The following MOCOS variants were observed in gnomAD, a reference collection of about 807,000 sequenced individuals.
The protein encoded by MOCOS is molybdenum cofactor sulfurase.
MOCOS carries 86 observed loss-of-function variants against 83.6 expected under a neutral mutation model. The observed-to-expected ratio is 1.03, with a 90% confidence interval of 0.86 to 1.23. The LOEUF (loss-of-function observed/expected upper bound fraction) is 1.23. Among genes scored for constraint, MOCOS ranks in the 50% most tolerant of loss-of-function variants. MOCOS has a pLI of 0.00. For missense variants in MOCOS, 1,120 were observed against 1,126.9 expected, an observed-to-expected ratio of 0.99 and a Z score of 0.09; for synonymous variants, 445 against 434.7, an observed-to-expected ratio of 1.02 and a Z score of -0.29.
chr18:36,254,429 G>A (rs574291793), intron 11 of MOCOS, among the ~76,000 whole-genome samples: 36 of 149,916 alleles, frequency 2.4e-4, no homozygotes, highest in African/African-American at 3.7e-4. Flanking sequence ...TTTGAATCTC[G>A]TGAGTATTCA....
intron 6 of MOCOS, among the ~76,000 whole-genome samples, chr18:36,207,061 C>T (rs77957275): frequency 0.056 from 8,590 of 152,174 alleles, 282 homozygotes; most frequent in East Asian, 0.098. Context: ...TTGTTTGAGA[C>T]AGTCTCACTT....
Position 36,220,245 on chromosome 18 carries a change from G to C in MOCOS, c.1960+28G>C, listed in dbSNP as rs773324094. 160 of 1,613,308 alleles carry C rather than the reference G, an allele frequency of 9.9e-5. 2 individuals carry two copies. In the South Asian group the frequency reaches 1.7e-3, roughly 17 times the overall value. ...GGGAAAACTGCTTCATTTTCACAGAGCAGCTCCCAACAGCAGCTTTTATAT... is the reference window on the plus strand; with the variant it reads ...GGGAAAACTGCTTCATTTTCACAGACCAGCTCCCAACAGCAGCTTTTATAT... On this transcript the variant is annotated intron_variant, in intron 9 of 14. Coordinates refer to ENST00000261326, the MANE Select transcript of MOCOS (RefSeq NM_017947.4).
chr18:36,205,062 C>A lies in MOCOS; in HGVS notation c.1019-15C>A. On this transcript the variant is annotated splice_polypyrimidine_tract_variant and intron_variant, in intron 5 of 14. Transcript: ENST00000261326. ...TAAAGCTCATGATTCTCTTGTGTTT[C>A]ATGATTGATTTGAGGTGGAATGGAG... 2 of 1,421,020 alleles carry A rather than the reference C, an allele frequency of 1.4e-6. No individual in the cohort carries two copies. The highest frequency in any genetic ancestry group is 2.0e-6 in the Non-Finnish European group (2 of 1,024,926). 88.0% of individuals were successfully genotyped at this position (1,421,020 alleles called of 1,614,324 possible).
chr18:36,220,792 G>A (rs1307766154), intron 9 of MOCOS, among the ~76,000 whole-genome samples: 3 of 152,184 alleles, frequency 2.0e-5, no homozygotes, highest in East Asian at 3.9e-4. Flanking sequence ...ATGGTGGCAC[G>A]TGCCTGTGAT....
intron 9 of MOCOS, among the ~76,000 whole-genome samples, chr18:36,235,180 G>A (rs931824870): frequency 4.0e-5 from 6 of 150,248 alleles, no homozygotes; most frequent in African/African-American, 1.5e-4. Context: ...TGTGCACATT[G>A]TGCAGGTTAG....
At chr18:36,236,668 G>C (rs2091560379) in intron 9 of MOCOS, among the ~76,000 whole-genome samples, 1 of 137,968 alleles carries the variant, frequency 7.2e-6, no homozygotes, top group African/African-American at 2.8e-5. Flanking sequence ...ATTCTGTGAA[G>C]AAAGGCATTG....
chr18:36,265,649 G>A (rs1408261374), intron 13 of MOCOS, among the ~76,000 whole-genome samples: 1 of 152,004 alleles, frequency 6.6e-6, no homozygotes, highest in African/African-American at 2.4e-5. Flanking sequence ...GGGATTTTAA[G>A]CTCCACCAGA....
intron 11 of MOCOS, among the ~76,000 whole-genome samples, chr18:36,255,992 A>G (rs1598593810): frequency 1.3e-5 from 2 of 150,990 alleles, no homozygotes; most frequent in Non-Finnish European, 2.9e-5. Flanking sequence ...TCCTGAGTTC[A>G]AGAGATCCTC....
chr18:36,193,665 G>T, intron 1 of MOCOS, among the ~76,000 whole-genome samples: 1 of 152,040 alleles, frequency 6.6e-6, no homozygotes, highest in Non-Finnish European at 1.5e-5. Context: ...AAATCACTAG[G>T]ACCTTGTTGA....
At chr18:36,214,108 G>A (rs573396932) in intron 7 of MOCOS, among the ~76,000 whole-genome samples, 3 of 151,876 alleles carry the variant, frequency 2.0e-5, no homozygotes, top group Admixed American at 6.6e-5. Context: ...AGGTGTGGTG[G>A]TGCATGCCTG....
At chr18:36,268,259 T>TC (rs2091688079) in intron 14 of MOCOS, among the ~76,000 whole-genome samples, 1 of 152,154 alleles carries the variant, frequency 6.6e-6, no homozygotes, top group South Asian at 2.1e-4. Context: ...TGCAGGAAGT[T>TC]CAGGGCATGT....
chr18:36,245,781 T>G (rs1941458), intron 9 of MOCOS, among the ~76,000 whole-genome samples: 56,608 of 152,096 alleles, frequency 0.37, 11,027 homozygotes, highest in Admixed American at 0.48. Context: ...GTTTGGTCAT[T>G]TAAAATAATC....
chr18:36,227,987 A>G (rs964463180), intron 9 of MOCOS, among the ~76,000 whole-genome samples: 2 of 152,232 alleles, frequency 1.3e-5, no homozygotes, highest in Non-Finnish European at 1.5e-5. Context: ...AAACAAATTT[A>G]CAAGAAACAA....
chr18:36,189,658 G>A (rs1245409434), intron 1 of MOCOS, among the ~76,000 whole-genome samples: 4 of 152,144 alleles, frequency 2.6e-5, no homozygotes, highest in Non-Finnish European at 5.9e-5. Context: ...TTGAATATAC[G>A]GATGTGTGTC....
Position 36,195,262 on chromosome 18 carries a change from G to C in MOCOS, c.148G>C (p.Val50Leu), listed in dbSNP as rs1267258965. 3.1e-6 allele frequency: 5 copies of C among 1,613,834 alleles called. No individual in the cohort carries two copies. In the Admixed American group the frequency reaches 8.3e-5, roughly 27 times the overall value. The change falls in exon 2 of 15, where the codon GTC (valine) becomes CTC (leucine). Residue 50 changes from valine (V) to leucine (L), a missense_variant. Transcript: ENST00000261326. Reference sequence around the variant, plus strand: ...TATTTTGTGTTTTCTTTCAGGAACTGTCTATCTTGACCATGCAGGTGCCAC... The same window carrying C: ...TATTTTGTGTTTTCTTTCAGGAACTCTCTATCTTGACCATGCAGGTGCCAC... ...AREFSRLAGT[V>L]YLDHAGATLF...
In MOCOS at chr18:36,268,847, C is replaced by G; in HGVS notation, c.*162C>G. 1 of 677,292 alleles carries G rather than the reference C, an allele frequency of 1.5e-6. No individual in the cohort carries two copies. Among genetic ancestry groups the G allele is most frequent in the Non-Finnish European group, 2.5e-6 (1 of 399,480 alleles). The allele number at this position is 677,292 out of a possible 1,614,324, so 42.0% of individuals were successfully genotyped here. A position where few individuals can be genotyped will look rare whatever the true frequency, so the allele number is the denominator to read the frequency against. ...CTTCCTTCTGCCTTTGACTTCTCAC[C>G]CTGCAAATTTGCACTGGCTGTGCTC... On this transcript the variant is annotated 3_prime_UTR_variant, in exon 15 of 15. Coordinates refer to ENST00000261326, the MANE Select transcript of MOCOS (RefSeq NM_017947.4).
intron 10 of MOCOS, among the ~76,000 whole-genome samples, chr18:36,250,947 T>A (rs1200899882): frequency 1.3e-5 from 2 of 152,230 alleles, no homozygotes; most frequent in Non-Finnish European, 2.9e-5. Flanking sequence ...ATGTTGAAGC[T>A]TTTTATTTGG....
rs2091445889 is a variant in MOCOS at position 36,209,360 on chromosome 18, T to C, written c.1219-4006T>C. On this transcript the variant is annotated intron_variant, in intron 6 of 14. Coordinates refer to ENST00000261326, the MANE Select transcript of MOCOS (RefSeq NM_017947.4). ...TGCCCAGCTAATTTATTTTAATAGT[T>C]TTTTATTGTACAGGTGGTTTTTGGT... 5.9e-5 allele frequency among the ~76,000 whole-genome samples: 9 copies of C among 152,188 alleles called. 1 individual carries two copies. In the South Asian group the frequency reaches 1.9e-3, roughly 32 times the overall value.
intron 9 of MOCOS, among the ~76,000 whole-genome samples, chr18:36,232,035 C>T (rs933350232): frequency 3.9e-5 from 6 of 152,174 alleles, no homozygotes; most frequent in African/African-American, 1.2e-4. Flanking sequence ...GACACAATCT[C>T]AGCTCACTGC....
Sources: allele counts gnomAD v4.1 joint callset (sites outside exome capture counted in the v4.1 genomes callset), GRCh38; gene constraint gnomAD v4.1.1; transcripts MANE v1.5; gene names NCBI Gene and HGNC (gene_info 2026-07-23, HGNC 2026-07-21).